The following LAMP3 variants were observed in gnomAD, a reference collection of about 807,000 sequenced individuals.
The protein encoded by LAMP3 is lysosome-associated membrane glycoprotein 3.
A neutral mutation model predicts 34.8 loss-of-function variants in LAMP3; 26 were observed. The ratio of observed to expected loss-of-function variants is 0.75; its 90% CI spans 0.55 to 1.04. The LOEUF (loss-of-function observed/expected upper bound fraction) is 1.04. LAMP3 is among the 50% of genes least tolerant of loss of function. The probability of loss-of-function intolerance (pLI) is 0.00; values close to 1 mark genes in which losing one functional copy is unlikely to be tolerated. For missense variants in LAMP3, 495 were observed against 524.0 expected, an observed-to-expected ratio of 0.94 and a Z score of 0.54; for synonymous variants, 180 against 201.9, an observed-to-expected ratio of 0.89 and a Z score of 0.92.
chr3:183,127,890 G>C (rs1719819443), intron 5 of LAMP3, among the ~76,000 whole-genome samples: 1 of 152,114 alleles, frequency 6.6e-6, no homozygotes, highest in East Asian at 1.9e-4. Flanking sequence ...CCAGCACTTT[G>C]GGAGGCTGAG....
At position 183,135,842 on chromosome 3, in the gene LAMP3, G is replaced by A. The variant is rs752050287; in HGVS notation, c.992C>T (p.Thr331Ile). Reference sequence around the variant, plus strand: ...GCACTTGAAGGAATGCCCGACTGCTGTCTGGAACATCACCACCGCATGTTT... The same window carrying A: ...GCACTTGAAGGAATGCCCGACTGCTATCTGGAACATCACCACCGCATGTTT... ...GIKHAVVMFQ[T>I]AVGHSFKCVS... Residue 331 changes from threonine to isoleucine, a missense_variant, in exon 5 of 6, where the codon ACA becomes ATA. Physicochemically the swap from Thr to Ile is moderately conservative, Grantham distance 89. Transcript: ENST00000265598. 5 of 1,614,108 alleles carry A rather than the reference G, an allele frequency of 3.1e-6. No homozygotes were observed. The Admixed American group carries it at 5.0e-5, about 16-fold the overall frequency.
At chr3:183,158,878 GT>G (rs34924890) in intron 1 of LAMP3, among the ~76,000 whole-genome samples, 4 of 148,710 alleles carry the variant, frequency 2.7e-5, no homozygotes, top group East Asian at 4.0e-4. Flanking sequence ...TGTGACAAGT[GT>G]TTTTTTTTGT....
At chr3:183,133,047 G>A (rs908714567) in intron 5 of LAMP3, 4 of 543,480 alleles carry the variant, frequency 7.4e-6, no homozygotes, top group Admixed American at 6.5e-5. Context: ...TTGGAGAAAA[G>A]AAGACAGAGG....
Position 183,153,887 on chromosome 3 carries a change from G to T in LAMP3, c.554C>A (p.Pro185His). ...ALHKSTTGQK[P>H]VQPTHAPGTT... ...TCCTGGGGCATGGGTGGGTTGAACA[G>T]GCTTCTGACCGGTTGTGCTTTTGTG... Residue 185 changes from proline to histidine, a missense_variant, in exon 2 of 6, where the codon CCT (proline) becomes CAT (histidine). By Grantham distance (77) the Pro-to-His change is moderately conservative. Coordinates refer to ENST00000265598, the MANE Select transcript of LAMP3 (RefSeq NM_014398.4). 3.1e-6 allele frequency: 5 copies of T among 1,614,134 alleles called. No individual in the cohort carries two copies. The highest frequency in any genetic ancestry group is 4.2e-6 in the Non-Finnish European group (5 of 1,179,990).
intron 5 of LAMP3, chr3:183,132,715 G>C (rs1233785013): frequency 2.0e-6 from 2 of 985,440 alleles, no homozygotes; most frequent in Non-Finnish European, 2.4e-6. Context: ...GCTCAGGAGG[G>C]TGCAACAGGC....
intron 1 of LAMP3, 101 bp downstream of exon 1, chr3:183,162,502 CCCTA>C (rs1721006643): frequency 8.5e-7 from 1 of 1,171,312 alleles, no homozygotes; most frequent in South Asian, 1.3e-5. Flanking sequence ...CGCCACACCT[CCCTA>C]CCCGCAGCCC....
At chr3:183,158,775 C>T (rs988203272) in intron 1 of LAMP3, among the ~76,000 whole-genome samples, 3 of 152,164 alleles carry the variant, frequency 2.0e-5, no homozygotes, top group Non-Finnish European at 4.4e-5. Context: ...GTACGGGTCT[C>T]CTCTCAGGCA....
At chr3:183,148,911 T>C (rs1298308111) in intron 3 of LAMP3, among the ~76,000 whole-genome samples, 1 of 152,176 alleles carries the variant, frequency 6.6e-6, no homozygotes, top group Non-Finnish European at 1.5e-5. Flanking sequence ...CTAGCACTGT[T>C]CACAACAGCT....
chr3:183,151,537 C>T (rs1720633785), intron 3 of LAMP3, among the ~76,000 whole-genome samples: 1 of 151,352 alleles, frequency 6.6e-6, no homozygotes, highest in African/African-American at 2.4e-5. Flanking sequence ...AAGTGATTCT[C>T]CTGCCTCAGC....
At chr3:183,162,757 C>A, upstream of LAMP3, 2 of 1,139,558 alleles carry the variant, frequency 1.8e-6, no homozygotes, top group Non-Finnish European at 2.4e-6. Flanking sequence ...AAACCACCTG[C>A]TTATGAGAAG....
chr3:183,156,888 G>C (rs1198071545), intron 1 of LAMP3, among the ~76,000 whole-genome samples: 3 of 152,174 alleles, frequency 2.0e-5, no homozygotes, highest in Non-Finnish European at 2.9e-5. Context: ...CCTTGGGTTT[G>C]AGGGGTGGTG....
At chr3:183,154,491 C>T (rs1160020642) in intron 1 of LAMP3, 100 bp from the exon 2 acceptor site, 5 of 909,744 alleles carry the variant, frequency 5.5e-6, no homozygotes, top group African/African-American at 5.0e-5. Context: ...AAAAACCTAA[C>T]ATGCATATTT....
At position 183,152,476 on chromosome 3, in the gene LAMP3, T is replaced by C. The variant is rs1457384832; in HGVS notation, c.787A>G (p.Ile263Val). ...SVFSPRRYFN[I>V]DPNATQASGN... is the part of the protein sequence containing the mutation. ...GAGGCTTGCGTTGCGTTGGGGTCGA[T>C]GTTGAAGTATCTCCGAGGTGAAAAA... The change falls in exon 3 of 6, where the codon ATC becomes GTC. Residue 263 changes from isoleucine to valine, a missense_variant. Ile to Val is a conservative substitution (Grantham distance 29). Transcript: ENST00000265598. 5 of 1,612,118 alleles carry C rather than the reference T, an allele frequency of 3.1e-6. No individual in the cohort carries two copies. Among genetic ancestry groups the C allele is most frequent in the Non-Finnish European group, 4.2e-6 (5 of 1,179,330 alleles).
At chr3:183,126,534 A>ATGTGTGTGTGTG (rs111747229) in intron 5 of LAMP3, among the ~76,000 whole-genome samples, 1 of 149,646 alleles carries the variant, frequency 6.7e-6, no homozygotes, top group Non-Finnish European at 1.5e-5. Context: ...TCCTCTGTGA[A>ATGTGTGTGTGTG]TGTGTGTGTG....
chr3:183,140,476 G>A (rs1368572850), intron 4 of LAMP3, 62 bp downstream of exon 4: 49 of 852,364 alleles, frequency 5.7e-5, no homozygotes, highest in Non-Finnish European at 9.2e-5. Context: ...TGGGATGAAA[G>A]GTGAGCTAAC....
intron 3 of LAMP3, among the ~76,000 whole-genome samples, chr3:183,145,221 T>C (rs1486233720): frequency 6.6e-6 from 1 of 152,124 alleles, no homozygotes; most frequent in Non-Finnish European, 1.5e-5. Context: ...CATGTCACCC[T>C]AACCAAATGA....
intron 4 of LAMP3, among the ~76,000 whole-genome samples, chr3:183,138,489 T>C (rs921929249): frequency 3.9e-5 from 6 of 152,172 alleles, no homozygotes; most frequent in Non-Finnish European, 7.4e-5. Flanking sequence ...ACATGAAAAC[T>C]CTTAGTACGG....
chr3:183,158,959 C>T (rs1267078227), intron 1 of LAMP3, among the ~76,000 whole-genome samples: 2 of 151,720 alleles, frequency 1.3e-5, no homozygotes, highest in Non-Finnish European at 2.9e-5. Flanking sequence ...AGTGCAGTGG[C>T]ATGCTCAGGG....
chr3:183,141,665 A>G (rs955375756), intron 3 of LAMP3, among the ~76,000 whole-genome samples: 2 of 152,222 alleles, frequency 1.3e-5, no homozygotes, highest in Non-Finnish European at 2.9e-5. Context: ...GATTCATTAT[A>G]CAATCAAAGG....
Sources: allele counts gnomAD v4.1 joint callset (sites outside exome capture counted in the v4.1 genomes callset), GRCh38; gene constraint gnomAD v4.1.1; transcripts MANE v1.5; gene names NCBI Gene and HGNC (gene_info 2026-07-23, HGNC 2026-07-21).